The following PCTP variants were observed in gnomAD, a reference collection of about 807,000 sequenced individuals.
PCTP encodes the protein phosphatidylcholine transfer protein, also known as START domain-containing protein 2.
In PCTP, 27 loss-of-function variants were observed where a neutral mutation model predicts 31.0. The observed-to-expected ratio is 0.87, with a 90% CI of 0.64 to 1.20. PCTP has a LOEUF of 1.20. PCTP is among the 50% of genes most tolerant of loss of function. The pLI, the probability that PCTP is intolerant of heterozygous loss-of-function variation, is 0.00. For missense variants in PCTP, 287 were observed against 268.2 expected (o/e 1.07, Z -0.49); for synonymous variants, 108 against 101.2 (o/e 1.07, Z -0.40).
At position 55,776,868 on chromosome 17, in the gene PCTP, TC is replaced by T; in HGVS notation, c.*769del. ...CTGGGGGAAAGGCTGCCTGTACCTC[TC>T]AAGCTTTGCATTTTACTGGAAACTG... On this transcript the variant is annotated 3_prime_UTR_variant, in exon 6 of 6. Transcript: ENST00000268896. The T allele has an allele frequency of 3.0e-6, 3 of 997,512 alleles. No homozygotes were observed. Among genetic ancestry groups the T allele is most frequent in the Non-Finnish European group, 3.6e-6 (3 of 838,398 alleles). 61.8% of individuals were successfully genotyped at this position (997,512 alleles called of 1,614,324 possible).
intron 5 of PCTP, 115 bp downstream of exon 5, chr17:55,774,974 G>A (rs569045346): frequency 1.5e-5 from 18 of 1,165,782 alleles, no homozygotes; most frequent in East Asian, 9.5e-5. Flanking sequence ...GCGTAATGAG[G>A]CTCTTTTATG....
intron 2 of PCTP, chr17:55,770,026 A>G (rs1268212025): frequency 1.3e-5 from 2 of 152,334 alleles, no homozygotes; most frequent in Non-Finnish European, 2.9e-5. Flanking sequence ...TTCAAAACCT[A>G]AATTATCCCT....
chr17:55,835,061 A>G (rs375280276), intron 5 of PCTP, among the ~76,000 whole-genome samples: 2 of 152,176 alleles, frequency 1.3e-5, no homozygotes, highest in South Asian at 2.1e-4. Flanking sequence ...AGGGAAGACA[A>G]TTATGGGAAG....
rs545954025 is a variant in PCTP, at chr17:55,801,140, G to A, written c.317+13486G>A. The stretch of plus-strand genomic sequence containing the variant: ...TTGATGCATTACATAATGGTAAAAG[G>A]ATCAAAGCAACAAGAAGAGCTAACT... On this transcript the variant is annotated intron_variant, in intron 3 of 3. Coordinates refer to the PCTP transcript ENST00000572536. Among the ~76,000 whole-genome samples, 420 of 152,200 alleles carry A rather than the reference G, an allele frequency of 2.8e-3. 3 individuals carry two copies. Among genetic ancestry groups the A allele is most frequent in the Non-Finnish European group, 4.7e-3 (320 of 67,996 alleles).
chr17:55,783,032 A>G (rs369629737), intron 2 of PCTP, among the ~76,000 whole-genome samples: 1 of 152,302 alleles, frequency 6.6e-6, no homozygotes, highest in African/African-American at 2.4e-5. Flanking sequence ...TCAAAGTCCC[A>G]TGATCTCAAT....
intron 2 of PCTP, among the ~76,000 whole-genome samples, chr17:55,783,408 G>A (rs908804465): frequency 1.3e-5 from 2 of 152,204 alleles, no homozygotes; most frequent in African/African-American, 4.8e-5. Context: ...CAGATATGGG[G>A]AGGGGACTGT....
intron 3 of PCTP, among the ~76,000 whole-genome samples, chr17:55,813,995 T>C (rs1331566499): frequency 2.0e-5 from 3 of 151,616 alleles, no homozygotes; most frequent in Non-Finnish European, 2.9e-5. Flanking sequence ...TTATGAGAGA[T>C]TGAGAGATCG....
At chr17:55,792,922 A>G (rs184898882) in intron 3 of PCTP, among the ~76,000 whole-genome samples, 9 of 152,230 alleles carry the variant, frequency 5.9e-5, no homozygotes, top group Non-Finnish European at 1.2e-4. Context: ...ATGGCTTTGC[A>G]CCAAGGGTAT....
At chr17:55,834,896 C>T (rs551586597) in intron 5 of PCTP, among the ~76,000 whole-genome samples, 16 of 152,200 alleles carry the variant, frequency 1.1e-4, no homozygotes, top group Non-Finnish European at 1.8e-4. Context: ...AAGTCCAGCC[C>T]CAGGTACCTC....
intron 5 of PCTP, among the ~76,000 whole-genome samples, chr17:55,841,047 A>G (rs1222621128): frequency 1.3e-5 from 2 of 152,224 alleles, no homozygotes; most frequent in East Asian, 3.8e-4. Context: ...TCTTCCACGA[A>G]CAAGGTGGGG....
chr17:55,840,679 TTAA>T (rs1225891034), intron 5 of PCTP, among the ~76,000 whole-genome samples: 1 of 152,240 alleles, frequency 6.6e-6, no homozygotes, highest in African/African-American at 2.4e-5. Flanking sequence ...TCATTAGTTA[TTAA>T]TGTTGACTTC....
At chr17:55,773,188 C>T (rs993233667) in intron 3 of PCTP, among the ~76,000 whole-genome samples, 4 of 152,224 alleles carry the variant, frequency 2.6e-5, no homozygotes, top group Admixed American at 2.6e-4. Context: ...TCAGCTGTAA[C>T]ATTGCTTGAC....
At chr17:55,753,426 G>A (rs1276767724) in intron 1 of PCTP, among the ~76,000 whole-genome samples, 2 of 152,192 alleles carry the variant, frequency 1.3e-5, no homozygotes, top group African/African-American at 4.8e-5. Context: ...GGTGCTAAGT[G>A]TTTTGGAAGT....
At chr17:55,842,272 A>G (rs1040080192) in intron 5 of PCTP, among the ~76,000 whole-genome samples, 15 of 152,210 alleles carry the variant, frequency 9.9e-5, no homozygotes, top group African/African-American at 3.6e-4. Flanking sequence ...GAAAGTCTAC[A>G]GTGAAGGTAC....
At chr17:55,831,863 C>G (rs566296397) in intron 5 of PCTP, among the ~76,000 whole-genome samples, 1 of 152,060 alleles carries the variant, frequency 6.6e-6, no homozygotes, top group South Asian at 2.1e-4. Flanking sequence ...AGGCAGATCT[C>G]GAGGTCAGGA....
intron 5 of PCTP, among the ~76,000 whole-genome samples, chr17:55,834,243 C>T (rs1905704630): frequency 6.6e-6 from 1 of 152,054 alleles, no homozygotes; most frequent in South Asian, 2.1e-4. Context: ...GATGTGAAGG[C>T]TTGTTACATA....
At chr17:55,835,270 T>A (rs1305831626) in intron 5 of PCTP, among the ~76,000 whole-genome samples, 2 of 152,156 alleles carry the variant, frequency 1.3e-5, no homozygotes, top group Non-Finnish European at 2.9e-5. Context: ...TCATGGGACT[T>A]CATTATGGCA....
intron 2 of PCTP, chr17:55,770,814 G>A: frequency 4.0e-6 from 1 of 246,946 alleles, no homozygotes; most frequent in Non-Finnish European, 7.8e-6. Context: ...TGACCTGCTA[G>A]GCTTGGATGA....
At chr17:55,796,180 A>G (rs998811334) in intron 3 of PCTP, among the ~76,000 whole-genome samples, 4 of 152,034 alleles carry the variant, frequency 2.6e-5, no homozygotes, top group African/African-American at 9.7e-5. Context: ...CAGTAATAAT[A>G]AATAAATCTG....
Sources: gnomAD v4.1 joint callset for allele counts (sites outside exome capture counted in the v4.1 genomes callset) on GRCh38, gnomAD v4.1.1 for gene constraint, MANE v1.5 for transcripts, NCBI Gene and HGNC (gene_info 2026-07-23, HGNC 2026-07-21) for gene names.